The following PTPRT variants were observed in gnomAD, a reference collection of about 807,000 sequenced individuals.
PTPRT encodes the protein receptor-type tyrosine-protein phosphatase T.
PTPRT carries 56 observed loss-of-function variants against 176.8 expected under a neutral mutation model. That is an observed-to-expected ratio of 0.32 (90% CI 0.26 to 0.40). The LOEUF (loss-of-function observed/expected upper bound fraction) is 0.40. Ranked by LOEUF, PTPRT falls within the 10% of genes least tolerant of loss-of-function variation. The pLI is 1.00. For synonymous variants in PTPRT, 783 were observed against 739.0 expected, an observed-to-expected ratio of 1.06 and a Z score of -0.96; for missense variants, 1,540 against 1,908.2, an observed-to-expected ratio of 0.81 and a Z score of 3.60.
At chr20:43,089,871 A>G (rs370610499) in intron 1 of PTPRT, among the ~76,000 whole-genome samples, 29 of 152,274 alleles carry the variant, frequency 1.9e-4, no homozygotes, top group African/African-American at 6.3e-4. Flanking sequence ...ATCCTTAACA[A>G]TCTTCCAAGA....
intron 9 of PTPRT, among the ~76,000 whole-genome samples, chr20:42,447,324 T>C (rs2070751132): frequency 1.3e-5 from 2 of 151,918 alleles, no homozygotes; most frequent in African/African-American, 4.8e-5. Context: ...GTGAGAAAAA[T>C]GAGGCTTAAA....
At chr20:42,545,774 A>T (rs2072663457) in intron 7 of PTPRT, among the ~76,000 whole-genome samples, 2 of 152,146 alleles carry the variant, frequency 1.3e-5, no homozygotes. Context: ...TGGCAATGAA[A>T]GACTCCCATA....
At chr20:42,525,720 T>C (rs1200368095) in intron 7 of PTPRT, among the ~76,000 whole-genome samples, 4 of 152,204 alleles carry the variant, frequency 2.6e-5, no homozygotes, top group Non-Finnish European at 5.9e-5. Flanking sequence ...TCTTCGAGTC[T>C]CTATAATATG....
intron 24 of PTPRT, among the ~76,000 whole-genome samples, 171 bp from the exon 25 acceptor site, chr20:42,104,889 A>G (rs932849474): frequency 2.0e-5 from 3 of 152,146 alleles, no homozygotes; most frequent in Non-Finnish European, 4.4e-5. Flanking sequence ...ATGTTTCCTA[A>G]TGATCACCTG....
intron 2 of PTPRT, among the ~76,000 whole-genome samples, chr20:42,795,469 T>A (rs1342227704): frequency 6.6e-6 from 1 of 152,254 alleles, no homozygotes; most frequent in Non-Finnish European, 1.5e-5. Flanking sequence ...TTTCCTCACG[T>A]CGGCAGTAAA....
chr20:42,207,093 A>G (rs567350878), intron 15 of PTPRT, among the ~76,000 whole-genome samples: 9 of 152,028 alleles, frequency 5.9e-5, no homozygotes, highest in African/African-American at 1.7e-4. Flanking sequence ...TATCTGTTAG[A>G]AGGAAAACTA....
At chr20:42,593,347 C>G (rs2073613182) in intron 7 of PTPRT, among the ~76,000 whole-genome samples, 1 of 152,188 alleles carries the variant, frequency 6.6e-6, no homozygotes, top group South Asian at 2.1e-4. Flanking sequence ...CACTCAGACA[C>G]CCACTCCTAT....
intron 9 of PTPRT, among the ~76,000 whole-genome samples, chr20:42,382,603 A>T (rs1600927399): frequency 6.6e-6 from 1 of 152,274 alleles, no homozygotes; most frequent in Middle Eastern, 3.4e-3. Context: ...CCGTGCAGGA[A>T]AACAGGGGGA....
intron 1 of PTPRT, among the ~76,000 whole-genome samples, chr20:42,982,974 C>T (rs941706576): frequency 1.3e-5 from 2 of 152,128 alleles, no homozygotes; most frequent in African/African-American, 4.8e-5. Flanking sequence ...CAAGGTCACA[C>T]GGCCAGCCGG....
At chr20:42,456,391 GCCA>G (rs1568896008) in intron 8 of PTPRT, among the ~76,000 whole-genome samples, 1 of 151,894 alleles carries the variant, frequency 6.6e-6, no homozygotes, top group African/African-American at 2.4e-5. Flanking sequence ...TTCAATGATA[GCCA>G]CCAATACAGT....
At chr20:42,830,769 A>G (rs2078071428) in intron 2 of PTPRT, among the ~76,000 whole-genome samples, 1 of 152,214 alleles carries the variant, frequency 6.6e-6, no homozygotes. Context: ...TGAGTGCCAA[A>G]TCAGAAGCAC....
chr20:42,713,882 T>C (rs2076183521), intron 6 of PTPRT, among the ~76,000 whole-genome samples: 1 of 152,188 alleles, frequency 6.6e-6, no homozygotes, highest in Non-Finnish European at 1.5e-5. Flanking sequence ...CTTTGCCTTC[T>C]GCCATGACTA....
intron 3 of PTPRT, among the ~76,000 whole-genome samples, chr20:42,786,773 C>G (rs772102484): frequency 1.3e-5 from 2 of 152,152 alleles, no homozygotes; most frequent in Admixed American, 6.5e-5. Context: ...GCTCACTGAC[C>G]GTGCCCATGA....
At chr20:42,065,946 G>A in the PTPRT span, among the ~76,000 whole-genome samples, 1 of 151,400 alleles carries the variant, frequency 6.6e-6, no homozygotes, top group African/African-American at 2.4e-5. Flanking sequence ...GTATTAAGAT[G>A]ATTATATGTC....
intron 1 of PTPRT, among the ~76,000 whole-genome samples, chr20:42,915,777 T>C (rs1978702010): frequency 6.6e-6 from 1 of 151,960 alleles, no homozygotes; most frequent in African/African-American, 2.4e-5. Flanking sequence ...ATTTTTTTTT[T>C]CTGTAGATAC....
intron 2 of PTPRT, among the ~76,000 whole-genome samples, chr20:42,853,487 G>A (rs1318829412): frequency 6.6e-6 from 1 of 152,154 alleles, no homozygotes; most frequent in Non-Finnish European, 1.5e-5. Flanking sequence ...GGATGAGAAG[G>A]TGTAAGTCTG....
intron 7 of PTPRT, among the ~76,000 whole-genome samples, chr20:42,511,143 G>A (rs1430547456): frequency 6.6e-6 from 1 of 152,070 alleles, no homozygotes; most frequent in African/African-American, 2.4e-5. Flanking sequence ...TTCTAAAGGA[G>A]TCCTCACCAA....
intron 11 of PTPRT, among the ~76,000 whole-genome samples, chr20:42,346,968 C>T (rs2058203615): frequency 6.6e-6 from 1 of 152,136 alleles, no homozygotes; most frequent in African/African-American, 2.4e-5. Context: ...TCCGTAGCAC[C>T]CCCACAAAAG....
At chr20:42,049,522 A>T in the PTPRT span, among the ~76,000 whole-genome samples, 2 of 152,202 alleles carry the variant, frequency 1.3e-5, no homozygotes, top group African/African-American at 4.8e-5. Context: ...CTCCTATAAA[A>T]TGCAACTTTG....
Sources: allele counts gnomAD v4.1 joint callset (sites outside exome capture counted in the v4.1 genomes callset), GRCh38; gene constraint gnomAD v4.1.1; transcripts MANE v1.5; gene names NCBI Gene and HGNC (gene_info 2026-07-23, HGNC 2026-07-21).